PCDHGA3: variants seen among roughly 807,000 people sequenced by gnomAD.
PCDHGA3 encodes the protein protocadherin gamma subfamily A, 3.
Under a neutral mutation model 58.5 loss-of-function variants are expected in PCDHGA3, and 40 were observed. The observed-to-expected ratio is 0.68, with a 90% CI of 0.53 to 0.89. The LOEUF is 0.89. Among genes scored for constraint, PCDHGA3 ranks in the 40% least tolerant of loss-of-function variants. The pLI, the probability that PCDHGA3 is intolerant of heterozygous loss-of-function variation, is 0.00. For synonymous variants in PCDHGA3, 530 were observed against 525.7 expected (o/e 1.01, Z -0.11); for missense variants, 1,223 against 1,195.9 (o/e 1.02, Z -0.33).
chr5:141,467,907 C>A (rs1166486426), intron 1 of PCDHGA3, among the ~76,000 whole-genome samples: 1 of 152,156 alleles, frequency 6.6e-6, no homozygotes, highest in Non-Finnish European at 1.5e-5. Flanking sequence ...AATCCGCCCA[C>A]CTCAGCCTCC....
chr5:141,415,387 G>A (rs1347191224), intron 1 of PCDHGA3: 2 of 1,614,168 alleles, frequency 1.2e-6, no homozygotes. Context: ...CGGCTTGACA[G>A]GTGTGTCCGG....
chr5:141,510,229 C>T (rs904367594), intron 3 of PCDHGA3, among the ~76,000 whole-genome samples: 3 of 150,486 alleles, frequency 2.0e-5, no homozygotes, highest in African/African-American at 7.4e-5. Context: ...GCCGGGATCG[C>T]GCCACTGCAC....
intron 1 of PCDHGA3, chr5:141,370,796 C>A (rs1460787163): frequency 6.2e-7 from 1 of 1,614,006 alleles, no homozygotes; most frequent in Non-Finnish European, 8.5e-7. Flanking sequence ...CGACCTTTAG[C>A]CAAAATATCA....
At chr5:141,434,364 A>G (rs1023051594) in intron 1 of PCDHGA3, among the ~76,000 whole-genome samples, 1 of 152,208 alleles carries the variant, frequency 6.6e-6, no homozygotes, top group Non-Finnish European at 1.5e-5. Context: ...AAATCTGGCC[A>G]TAAACTGGCC....
At chr5:141,499,115 C>T (rs940275925) in intron 2 of PCDHGA3, among the ~76,000 whole-genome samples, 16 of 152,124 alleles carry the variant, frequency 1.1e-4, no homozygotes, top group African/African-American at 3.9e-4. Context: ...CACCACTATC[C>T]CTTCTCAGGT....
rs1264878386 is a variant in PCDHGA3 at position 141,366,663 on chromosome 5, C to T, written c.2424+20206C>T. ...TTTCCCCAGCCCAACTACGCAGACA[C>T]GCTCCTTAGTGAAGAGAGCTGTGAG... On this transcript the variant is annotated intron_variant, in intron 1 of 3. Coordinates refer to ENST00000253812, the MANE Select transcript of PCDHGA3 (RefSeq NM_018916.4). The T allele has an allele frequency of 1.9e-6, 3 of 1,614,242 alleles. No individual in the cohort carries two copies. Among genetic ancestry groups the T allele is most frequent in the Non-Finnish European group, 2.5e-6 (3 of 1,180,042 alleles).
chr5:141,359,246 A>C (rs1007985499), intron 1 of PCDHGA3, among the ~76,000 whole-genome samples: 10 of 152,156 alleles, frequency 6.6e-5, no homozygotes, highest in Non-Finnish European at 1.2e-4. Flanking sequence ...TAAAGTAATT[A>C]AGCCATAAAA....
intron 1 of PCDHGA3, chr5:141,423,903 AG>A: frequency 7.8e-7 from 1 of 1,276,130 alleles, no homozygotes. Context: ...TTGATTTCAA[AG>A]GGGCCATTCA....
chr5:141,422,677 C>G, intron 1 of PCDHGA3: 1 of 1,606,186 alleles, frequency 6.2e-7, no homozygotes, highest in Non-Finnish European at 8.5e-7. Context: ...GGACAGCAAA[C>G]AGAATGCCCT....
In PCDHGA3 at chr5:141,364,151, G is replaced by T. The variant is rs1285824596; in HGVS notation, c.2424+17694G>T. The T allele has an allele frequency of 1.1e-5, 6 of 558,010 alleles. No individual in the cohort carries two copies. The African/African-American group carries it at 1.2e-4, about 11-fold the overall frequency. 34.6% of individuals were successfully genotyped at this position (558,010 alleles called of 1,614,324 possible). ...TGTTGACCAAAGTGGGAAAGAAGCT[G>T]CCGCAGAGGCGACCCGACTCTGCTC... On this transcript the variant is annotated intron_variant, in intron 1 of 3. Transcript: ENST00000253812.
At chr5:141,382,483 A>G (rs1778240323) in intron 1 of PCDHGA3, among the ~76,000 whole-genome samples, 1 of 152,250 alleles carries the variant, frequency 6.6e-6, no homozygotes, top group Non-Finnish European at 1.5e-5. Context: ...TAAGATTATC[A>G]AACACCGGTC....
intron 1 of PCDHGA3, among the ~76,000 whole-genome samples, chr5:141,401,410 A>C (rs536817103): frequency 6.6e-6 from 1 of 152,236 alleles, no homozygotes; most frequent in South Asian, 2.1e-4. Flanking sequence ...TGAGAGAGAA[A>C]GAGAGAGACT....
chr5:141,376,835 C>T (rs537669685), intron 1 of PCDHGA3: 5 of 249,278 alleles, frequency 2.0e-5, no homozygotes, highest in Non-Finnish European at 3.8e-5. Flanking sequence ...TACAGGCGCC[C>T]GCCACCGCGC....
chr5:141,466,885 G>A (rs997982577), intron 1 of PCDHGA3, among the ~76,000 whole-genome samples: 3 of 151,938 alleles, frequency 2.0e-5, no homozygotes, highest in Non-Finnish European at 4.4e-5. Context: ...TTCATAATAT[G>A]CATTTTCCAT....
chr5:141,357,220 G>A, intron 1 of PCDHGA3: 1 of 1,613,852 alleles, frequency 6.2e-7, no homozygotes. Context: ...TGTCCTGGCT[G>A]ACTTGGGCAG....
chr5:141,467,672 AT>A (rs1199631144), intron 1 of PCDHGA3, among the ~76,000 whole-genome samples: 1 of 151,634 alleles, frequency 6.6e-6, no homozygotes, highest in Non-Finnish European at 1.5e-5. Context: ...GAAGATTTTT[AT>A]TTTTTTTAGA....
chr5:141,501,125 C>A (rs2099805699), intron 2 of PCDHGA3, among the ~76,000 whole-genome samples: 1 of 152,140 alleles, frequency 6.6e-6, no homozygotes, highest in South Asian at 2.1e-4. Context: ...CCTCAGCCTC[C>A]CTAAGTGCTG....
intron 1 of PCDHGA3, chr5:141,415,448 C>T (rs2095870056): frequency 6.2e-7 from 1 of 1,614,052 alleles, no homozygotes; most frequent in African/African-American, 1.3e-5. Flanking sequence ...CAGACCTATT[C>T]CCACGAGGTC....
chr5:141,489,290 G>A lies in PCDHGA3; in HGVS notation c.2425-5517G>A. 6.3e-7 allele frequency: 1 copy of A among 1,577,514 alleles called. No individual in the cohort carries two copies. The highest frequency in any genetic ancestry group is 8.6e-7 in the Non-Finnish European group (1 of 1,162,002). ...CTCGCTGGGAAATGGCAAGTGCTGT[G>A]CATGTTGTCCTTGTGCTGCTGGGGC... On this transcript the variant is annotated intron_variant, in intron 1 of 3. Transcript: ENST00000253812. This position sits in a 1 kb window ranked among gnomAD's most constrained non-coding sequence, Gnocchi z 4.5.
Sources: gnomAD v4.1 joint callset for allele counts (sites outside exome capture counted in the v4.1 genomes callset) on GRCh38, gnomAD v4.1.1 for gene constraint, Gnocchi (gnomAD v3.1) non-coding constraint, MANE v1.5 for transcripts, NCBI Gene and HGNC (gene_info 2026-07-23, HGNC 2026-07-21) for gene names.